Variants in GABRB1 observed in about 807,000 individuals in gnomAD.
GABRB1 encodes the protein gamma-aminobutyric acid receptor subunit beta-1.
GABRB1 carries 17 observed loss-of-function variants against 51.6 expected under a neutral mutation model. The ratio of observed to expected loss-of-function variants is 0.33; its 90% confidence interval spans 0.23 to 0.49. The LOEUF (loss-of-function observed/expected upper bound fraction) is 0.49. GABRB1 is among the 20% of genes least tolerant of loss of function. The pLI is 0.99. For synonymous variants in GABRB1, 247 were observed against 218.9 expected (o/e 1.13, Z -1.14); for missense variants, 410 against 600.6 (o/e 0.68, Z 3.32).
At chr4:47,340,993 A>T (rs1725871419) in intron 5 of GABRB1, among the ~76,000 whole-genome samples, 1 of 152,180 alleles carries the variant, frequency 6.6e-6, no homozygotes, top group Admixed American at 6.6e-5. Flanking sequence ...ACAGCCAGGG[A>T]GGATAACTTA....
intron 2 of GABRB1, 68 bp downstream of exon 2, chr4:47,032,073 C>CA (rs71654859): frequency 0.2 from 86,377 of 430,300 alleles, 3,787 homozygotes; most frequent in African/African-American, 0.32. Flanking sequence ...AGATAAATGT[C>CA]AAAAAAAAAA....
intron 1 of GABRB1, among the ~76,000 whole-genome samples, chr4:46,994,570 A>T (rs1300755187): frequency 6.6e-6 from 1 of 151,990 alleles, no homozygotes; most frequent in Non-Finnish European, 1.5e-5. Flanking sequence ...AAGGATACAT[A>T]AATTAAAATG....
intron 5 of GABRB1, among the ~76,000 whole-genome samples, chr4:47,331,332 A>T (rs1394351404): frequency 6.6e-6 from 1 of 152,126 alleles, no homozygotes; most frequent in Admixed American, 6.6e-5. Context: ...AAAGTATCTG[A>T]TCTTTCAAAG....
chr4:47,000,337 G>A (rs1216713410), intron 1 of GABRB1, among the ~76,000 whole-genome samples: 3 of 152,232 alleles, frequency 2.0e-5, no homozygotes, highest in African/African-American at 7.2e-5. Context: ...AACTGTTTAT[G>A]TAAGCTTTAT....
intron 4 of GABRB1, among the ~76,000 whole-genome samples, chr4:47,265,107 C>T (rs1039429393): frequency 2.0e-5 from 3 of 151,966 alleles, no homozygotes; most frequent in Admixed American, 6.6e-5. Context: ...CCATCACTCC[C>T]CTCTCAATTT....
At chr4:47,151,475 T>C (rs1445258363) in intron 3 of GABRB1, among the ~76,000 whole-genome samples, 2 of 152,080 alleles carry the variant, frequency 1.3e-5, no homozygotes, top group African/African-American at 4.8e-5. Context: ...TCATATATCC[T>C]TTCTCAATTT....
At chr4:47,012,348 C>T (rs1332911590) in intron 1 of GABRB1, among the ~76,000 whole-genome samples, 2 of 152,088 alleles carry the variant, frequency 1.3e-5, no homozygotes, top group South Asian at 2.1e-4. Context: ...TCCCTCCTCC[C>T]ACCCTCCACC....
At chr4:47,128,764 G>A (rs368936019) in intron 3 of GABRB1, among the ~76,000 whole-genome samples, 10 of 151,864 alleles carry the variant, frequency 6.6e-5, no homozygotes, top group South Asian at 4.2e-4. Context: ...TAAATGAGTA[G>A]GTTTTTATAT....
intron 4 of GABRB1, among the ~76,000 whole-genome samples, chr4:47,178,362 G>A (rs1165270324): frequency 6.6e-6 from 1 of 152,054 alleles, no homozygotes; most frequent in African/African-American, 2.4e-5. Context: ...CTCTCTCATG[G>A]TCCTTATAGA....
At chr4:47,295,782 G>A (rs928330538) in intron 4 of GABRB1, among the ~76,000 whole-genome samples, 3 of 152,122 alleles carry the variant, frequency 2.0e-5, no homozygotes, top group African/African-American at 7.2e-5. Context: ...TCCTCGAGAA[G>A]AGCAACTCCA....
chr4:47,092,439 C>T (rs1452639176), intron 3 of GABRB1, among the ~76,000 whole-genome samples: 1 of 151,870 alleles, frequency 6.6e-6, no homozygotes, highest in Non-Finnish European at 1.5e-5. Context: ...TCCCAAAGTG[C>T]TGGGATTACA....
chr4:47,266,598 C>A (rs1426111698), intron 4 of GABRB1, among the ~76,000 whole-genome samples: 1 of 151,966 alleles, frequency 6.6e-6, no homozygotes, highest in Admixed American at 6.6e-5. Flanking sequence ...GAGAGTTCCT[C>A]GTGGAATTAA....
At chr4:47,372,621 TCAAGTCGGC>T (rs1727236111) in intron 5 of GABRB1, among the ~76,000 whole-genome samples, 1 of 151,976 alleles carries the variant, frequency 6.6e-6, no homozygotes, top group Non-Finnish European at 1.5e-5. Flanking sequence ...AGGAAAAGAG[TCAAGTCGGC>T]TCTGTCACCC....
At chr4:47,003,726 A>T (rs1261853277) in intron 1 of GABRB1, among the ~76,000 whole-genome samples, 1 of 152,220 alleles carries the variant, frequency 6.6e-6, no homozygotes, top group Non-Finnish European at 1.5e-5. Context: ...GTAATTGCTA[A>T]CTACCAGAAT....
rs180923653 is a variant in GABRB1 at position 47,383,687 on chromosome 4, G to A, written c.545-19631G>A. Among the ~76,000 whole-genome samples, 583 of 152,016 alleles carry A rather than the reference G, an allele frequency of 3.8e-3. 4 individuals carry two copies. Among genetic ancestry groups the A allele is most frequent in the African/African-American group, 0.011 (439 of 41,466 alleles). ...CATTAATATGCATAGCTAAAATAGC[G>A]GGCATATGAGCTACCATACTCCTCA... is the stretch of plus-strand genomic sequence containing the variant. On this transcript the variant is annotated intron_variant, in intron 5 of 8. Transcript: ENST00000295454.
intron 5 of GABRB1, among the ~76,000 whole-genome samples, chr4:47,326,820 G>C (rs1474401801): frequency 6.6e-6 from 1 of 152,090 alleles, no homozygotes; most frequent in Non-Finnish European, 1.5e-5. Flanking sequence ...AAATTACCCA[G>C]TTTACGGCAT....
At chr4:47,269,367 A>G (rs1231830944) in intron 4 of GABRB1, among the ~76,000 whole-genome samples, 1 of 152,216 alleles carries the variant, frequency 6.6e-6, no homozygotes, top group African/African-American at 2.4e-5. Flanking sequence ...TGCAGAACAG[A>G]CATTGGGACG....
chr4:47,329,615 T>C (rs1168630206), intron 5 of GABRB1, among the ~76,000 whole-genome samples: 1 of 148,430 alleles, frequency 6.7e-6, no homozygotes, highest in Non-Finnish European at 1.5e-5. Context: ...TCTTGCTCTC[T>C]GTCTGTCTAT....
At chr4:47,028,787 G>T (rs1725183872), upstream of GABRB1, among the ~76,000 whole-genome samples, 1 of 144,234 alleles carries the variant, frequency 6.9e-6, no homozygotes, top group Non-Finnish European at 1.5e-5. Flanking sequence ...CCATATATAT[G>T]TATATGTGTA....
Sources: gnomAD v4.1 joint callset for allele counts (sites outside exome capture counted in the v4.1 genomes callset) on GRCh38, gnomAD v4.1.1 for gene constraint, MANE v1.5 for transcripts, NCBI Gene and HGNC (gene_info 2026-07-23, HGNC 2026-07-21) for gene names.